CDC42SE2: variants seen among roughly 807,000 people sequenced by gnomAD.
The protein encoded by CDC42SE2 is CDC42 small effector protein 2.
CDC42SE2 carries 3 observed loss-of-function variants against 11.5 expected under a neutral mutation model. The ratio of observed to expected loss-of-function variants is 0.26; its 90% CI spans 0.12 to 0.67. CDC42SE2 has a LOEUF of 0.67. CDC42SE2 is among the 30% of genes least tolerant of loss of function. CDC42SE2 has a pLI of 0.80. For missense variants in CDC42SE2, 82 were observed against 106.8 expected (o/e 0.77, Z 1.02); for synonymous variants, 33 against 34.8 (o/e 0.95, Z 0.18).
chr5:131,272,886 C>A (rs1006196225), intron 1 of CDC42SE2, among the ~76,000 whole-genome samples: 1 of 152,140 alleles, frequency 6.6e-6, no homozygotes, highest in Non-Finnish European at 1.5e-5. Context: ...GTTCTCAAGC[C>A]TAATCTCAGT....
chr5:131,309,762 A>G (rs573526642), intron 1 of CDC42SE2, among the ~76,000 whole-genome samples: 35 of 152,046 alleles, frequency 2.3e-4, no homozygotes, highest in African/African-American at 8.0e-4. Flanking sequence ...CTCTGATGGT[A>G]GTTTGTATTT....
At chr5:131,260,602 G>A (rs1274827360), upstream of CDC42SE2, among the ~76,000 whole-genome samples, 3 of 140,714 alleles carry the variant, frequency 2.1e-5, no homozygotes, top group African/African-American at 8.2e-5. Context: ...TCCAGCCTGT[G>A]TGACAGAGCG....
intron 1 of CDC42SE2, among the ~76,000 whole-genome samples, chr5:131,272,093 T>A (rs1757005730): frequency 6.6e-6 from 1 of 151,984 alleles, no homozygotes; most frequent in African/African-American, 2.4e-5. Flanking sequence ...TCACTGCAAC[T>A]TCTGCCTCCC....
chr5:131,348,275 C>T (rs1758904631), intron 2 of CDC42SE2, among the ~76,000 whole-genome samples: 1 of 152,168 alleles, frequency 6.6e-6, no homozygotes. Context: ...TCTCCTTAAG[C>T]TGATAAGCAA....
At chr5:131,322,969 T>G (rs942965534) in intron 2 of CDC42SE2, among the ~76,000 whole-genome samples, 20 of 152,170 alleles carry the variant, frequency 1.3e-4, no homozygotes, top group Admixed American at 1.2e-3. Flanking sequence ...GGTTTTTGTT[T>G]TGTTTTGTTT....
At chr5:131,318,249 CTT>C (rs965719318) in intron 2 of CDC42SE2, among the ~76,000 whole-genome samples, 1 of 152,108 alleles carries the variant, frequency 6.6e-6, no homozygotes, top group Non-Finnish European at 1.5e-5. Flanking sequence ...AGGAGAATAA[CTT>C]TTTAAGAAGA....
At chr5:131,278,723 TCCCCCCTCCCC>T (rs1757161021) in intron 1 of CDC42SE2, among the ~76,000 whole-genome samples, 3 of 9,008 alleles carry the variant, frequency 3.3e-4, no homozygotes, top group Admixed American at 1.1e-3. Context: ...TCCCCTCCCC[TCCCCCCTCCCC>T]TCCCCTCCCC....
chr5:131,364,390 G>A (rs1183939514), intron 3 of CDC42SE2, among the ~76,000 whole-genome samples: 1 of 152,162 alleles, frequency 6.6e-6, no homozygotes, highest in Non-Finnish European at 1.5e-5. Context: ...TGTGTGAGTG[G>A]AACATCAGAG....
chr5:131,262,766 G>A (rs1229427457), upstream of CDC42SE2, among the ~76,000 whole-genome samples: 1 of 152,070 alleles, frequency 6.6e-6, no homozygotes, highest in Non-Finnish European at 1.5e-5. Flanking sequence ...CTGTTATATT[G>A]TATTGGTTTT....
rs781314756 is a variant in CDC42SE2, at chr5:131,359,202, T to C, written c.-285-7T>C. On this transcript the variant is annotated splice_region_variant and splice_polypyrimidine_tract_variant and intron_variant, in intron 2 of 4. Transcript: ENST00000505065. Reference sequence around the variant, plus strand: ...ACTTTTTTTTACTTTTTCTTTTTTTTCCCTAGACTATCTGTTATAGTCCCT... The same window carrying C: ...ACTTTTTTTTACTTTTTCTTTTTTTCCCCTAGACTATCTGTTATAGTCCCT... 8 of 303,038 alleles carry C rather than the reference T, an allele frequency of 2.6e-5. No homozygotes were observed. Among genetic ancestry groups the C allele is most frequent in the Non-Finnish European group, 4.8e-5 (8 of 166,364 alleles). The allele number at this position is 303,038 out of a possible 1,614,324, so 18.8% of individuals were successfully genotyped here.
At chr5:131,230,341 AC>A in the CDC42SE2 span, among the ~76,000 whole-genome samples, 1 of 152,222 alleles carries the variant, frequency 6.6e-6, no homozygotes, top group African/African-American at 2.4e-5. Context: ...TTTACTGGAT[AC>A]CTATTTCAAT....
chr5:131,378,866 G>C (rs780694390), intron 3 of CDC42SE2, among the ~76,000 whole-genome samples: 4 of 152,022 alleles, frequency 2.6e-5, no homozygotes, highest in African/African-American at 4.8e-5. Context: ...ACAAAGATAT[G>C]CTGTTAAAAA....
intron 1 of CDC42SE2, among the ~76,000 whole-genome samples, chr5:131,254,274 G>A (rs1359106525): frequency 6.6e-6 from 1 of 152,080 alleles, no homozygotes; most frequent in East Asian, 1.9e-4. Context: ...GGGCACGGTG[G>A]CTCACTCTTG....
intron 2 of CDC42SE2, among the ~76,000 whole-genome samples, chr5:131,335,736 CT>C (rs1758542769): frequency 6.6e-6 from 1 of 152,182 alleles, no homozygotes; most frequent in Non-Finnish European, 1.5e-5. Context: ...CCTTCTTTGT[CT>C]CTTTTGATCT....
chr5:131,344,254 A>G (rs1437501084), intron 2 of CDC42SE2, among the ~76,000 whole-genome samples: 1 of 152,204 alleles, frequency 6.6e-6, no homozygotes, highest in African/African-American at 2.4e-5. Context: ...TTCCTAGCAA[A>G]GGGAAGCCGT....
intron 2 of CDC42SE2, among the ~76,000 whole-genome samples, chr5:131,343,032 T>G (rs750356188): frequency 5.9e-5 from 9 of 152,284 alleles, no homozygotes; most frequent in African/African-American, 2.2e-4. Context: ...TGAATAACAG[T>G]AAAGATTTGC....
chr5:131,239,406 C>T, the CDC42SE2 span, among the ~76,000 whole-genome samples: 2 of 151,928 alleles, frequency 1.3e-5, no homozygotes, highest in African/African-American at 4.8e-5. Context: ...CACTGCACTC[C>T]AGCCGGGGCA....
intron 1 of CDC42SE2, among the ~76,000 whole-genome samples, chr5:131,275,661 CT>C (rs1266864795): frequency 6.4e-4 from 6 of 9,416 alleles, no homozygotes; most frequent in Non-Finnish European, 1.5e-3. Context: ...CATTATTTTT[CT>C]TTTCTTTTCT....
chr5:131,217,855 C>T, the CDC42SE2 span, among the ~76,000 whole-genome samples: 2 of 151,894 alleles, frequency 1.3e-5, no homozygotes, highest in African/African-American at 4.8e-5. Flanking sequence ...TAAATACTTC[C>T]AACAAATAAC....
Sources: allele counts gnomAD v4.1 joint callset (sites outside exome capture counted in the v4.1 genomes callset), GRCh38; gene constraint gnomAD v4.1.1; transcripts MANE v1.5; gene names NCBI Gene and HGNC (gene_info 2026-07-23, HGNC 2026-07-21).